Variants in SKOR1 observed in about 807,000 individuals in gnomAD.
The protein encoded by SKOR1 is SKI family transcriptional corepressor 1, also known as LBX1 corepressor 1.
SKOR1 carries 38 observed loss-of-function variants against 72.4 expected under a neutral mutation model. The observed-to-expected ratio is 0.52, with a 90% CI of 0.40 to 0.69. SKOR1 has a LOEUF of 0.69. Among genes scored for constraint, SKOR1 ranks in the 30% least tolerant of loss-of-function variants. The probability of loss-of-function intolerance (pLI) is 0.00; values close to 1 mark genes in which losing one functional copy is unlikely to be tolerated. For synonymous variants in SKOR1, 642 were observed against 599.4 expected, an observed-to-expected ratio of 1.07 and a Z score of -1.04; for missense variants, 1,320 against 1,343.2, an observed-to-expected ratio of 0.98 and a Z score of 0.27.
Position 67,826,811 on chromosome 15 carries a change from G to A in SKOR1, c.983G>A (p.Cys328Tyr), listed in dbSNP as rs1311640384. The A allele has an allele frequency of 6.5e-7, 1 of 1,529,950 alleles. No individual in the cohort carries two copies. 94.8% of individuals were successfully genotyped at this position (1,529,950 alleles called of 1,614,324 possible). ...CCGCCGCCCCACAAAAGCCTGCGCT[G>A]TGGCGAAGATGAGGCTGCCGGGCCT... is the stretch of plus-strand genomic sequence containing the variant. ...PGPPPHKSLR[C>Y]GEDEAAGPPG... is the part of the protein sequence containing the mutation. The change falls in exon 2 of 9, where the codon TGT becomes TAT. Residue 328 changes from cysteine (C) to tyrosine (Y), a missense_variant. By Grantham distance (194) the Cys-to-Tyr change is radical. Around this residue, in one of 3 missense-constraint regions of SKOR1, gnomAD observed 1,099 missense variants for 1,025.5 expected, o/e 1.07. Transcript: ENST00000380035.
intron 5 of SKOR1, 62 bp downstream of exon 5, chr15:67,830,951 G>T: frequency 6.6e-7 from 1 of 1,520,674 alleles, no homozygotes; most frequent in Non-Finnish European, 9.1e-7. Context: ...CATTCCTGTA[G>T]AGGGGTGTTA....
At chr15:67,831,095 A>G (rs1001078886) in intron 5 of SKOR1, among the ~76,000 whole-genome samples, 2 of 152,198 alleles carry the variant, frequency 1.3e-5, no homozygotes, top group South Asian at 4.1e-4. Context: ...TGGGTAGAGC[A>G]TGGGAGTAAA....
In SKOR1 at chr15:67,832,405, C is replaced by A; in HGVS notation, c.2662+57C>A. ...CATCACCGAGCCTTCCACCAGGGTG[C>A]CCCGACCTACTCCGAAAGCCGGGTG... On this transcript the variant is annotated intron_variant, in intron 6 of 8. Transcript: ENST00000380035. The surrounding 1 kb of genome is among the most constrained non-coding windows in gnomAD (Gnocchi z 4.5). 1.3e-6 allele frequency: 2 copies of A among 1,582,068 alleles called. No homozygotes were observed. Among genetic ancestry groups the A allele is most frequent in the South Asian group, 1.1e-5 (1 of 90,118 alleles).
rs1339999274 is a variant in SKOR1, at chr15:67,833,452, G to C, written c.2803+195G>C. Among the ~76,000 whole-genome samples the C allele has an allele frequency of 6.6e-6, 1 of 152,190 alleles. No homozygotes were observed. Among genetic ancestry groups the C allele is most frequent in the Non-Finnish European group, 1.5e-5 (1 of 68,036 alleles). On this transcript the variant is annotated intron_variant, in intron 8 of 8. Coordinates refer to ENST00000380035, the MANE Select transcript of SKOR1 (RefSeq NM_001365915.1). This position sits in a 1 kb window ranked among gnomAD's most constrained non-coding sequence, Gnocchi z 6.0. ...GGGGGTAAAAAGAAAGAGCCCCTTG[G>C]GCTTTGGACGTCAGAAAAATCTGCC...
In SKOR1 at chr15:67,827,793, C is replaced by G. The variant is rs1039482021; in HGVS notation, c.1965C>G (p.Thr655=). 6.4e-7 allele frequency: 1 copy of G among 1,570,998 alleles called. No individual in the cohort carries two copies. Among genetic ancestry groups the G allele is most frequent in the African/African-American group, 1.3e-5 (1 of 74,276 alleles). Residue 655 remains threonine, a synonymous_variant, in exon 2 of 9, where the codon ACC becomes ACG. Coordinates refer to ENST00000380035, the MANE Select transcript of SKOR1 (RefSeq NM_001365915.1). The stretch of plus-strand genomic sequence containing the variant: ...ATTCCGCCTCGCCCGACGTGGACAC[C>G]GCGGACGAGCCCGAGGTGGACGTGG... The part of the protein sequence containing the change: ...SYNSASPDVD[T]ADEPEVDVES...
chr15:67,826,401 G>C lies in SKOR1; in HGVS notation c.573G>C (p.Ser191=). The change falls in exon 2 of 9, where the codon TCG becomes TCC. Residue 191 remains serine, a synonymous_variant. Coordinates refer to ENST00000380035, the MANE Select transcript of SKOR1 (RefSeq NM_001365915.1). The part of the protein sequence containing the change: ...FDVVHECAWG[S]RGSFIPARYN... Reference sequence around the variant, plus strand: ...TGGTGCACGAGTGCGCGTGGGGCTCGCGTGGTAGCTTCATCCCTGCGCGTT... The same window carrying C: ...TGGTGCACGAGTGCGCGTGGGGCTCCCGTGGTAGCTTCATCCCTGCGCGTT... 2 of 1,613,944 alleles carry C rather than the reference G, an allele frequency of 1.2e-6. No individual in the cohort carries two copies. Among genetic ancestry groups the C allele is most frequent in the Non-Finnish European group, 1.7e-6 (2 of 1,180,008 alleles).
rs535615860 is a variant in SKOR1 at position 67,832,453 on chromosome 15, C to G, written c.2662+105C>G. 3.3e-5 allele frequency: 45 copies of G among 1,372,106 alleles called. No homozygotes were observed. The African/African-American group carries it at 5.4e-4, about 16-fold the overall frequency. 85.0% of individuals were successfully genotyped at this position (1,372,106 alleles called of 1,614,324 possible). ...GTGCCAGGCAACTGGTACTAGGTGCCCTGCAGGAGACAAGAAACTGTCCTT... is the reference window on the plus strand; with the variant it reads ...GTGCCAGGCAACTGGTACTAGGTGCGCTGCAGGAGACAAGAAACTGTCCTT... On this transcript the variant is annotated intron_variant, in intron 6 of 8. Transcript: ENST00000380035. This position sits in a 1 kb window ranked among gnomAD's most constrained non-coding sequence, Gnocchi z 4.5.
In SKOR1 at chr15:67,826,965, C is replaced by A. The variant is rs2090964388; in HGVS notation, c.1137C>A (p.Ser379Arg). Residue 379 changes from serine (S) to arginine (R), a missense_variant, in exon 2 of 9, where the codon AGC becomes AGA. Around this residue, in one of 3 missense-constraint regions of SKOR1, gnomAD observed 1,099 missense variants for 1,025.5 expected, o/e 1.07. Transcript: ENST00000380035. ...VRSYPVIPVP[S>R]KGFGLLQKLP... ...GCTACCCGGTGATCCCGGTGCCCAG[C>A]AAAGGCTTTGGGCTCCTGCAAAAGC... 6.3e-7 allele frequency: 1 copy of A among 1,595,886 alleles called. No individual in the cohort carries two copies. The highest frequency in any genetic ancestry group is 1.1e-5 in the South Asian group (1 of 90,574).
intron 2 of SKOR1, 98 bp downstream of exon 2, chr15:67,828,242 C>G: frequency 7.4e-7 from 1 of 1,357,204 alleles, no homozygotes; most frequent in East Asian, 3.1e-5. Context: ...TTGTTCCGCG[C>G]AGGCGTGGGA....
chr15:67,830,964 C>T (rs2091004243), intron 5 of SKOR1, 75 bp downstream of exon 5: 1 of 1,451,356 alleles, frequency 6.9e-7, no homozygotes, highest in Non-Finnish European at 9.7e-7. Context: ...GGGTGTTATC[C>T]CTGTAGGGGG....
chr15:67,834,000 C>T lies in SKOR1; in HGVS notation c.*164C>T, dbSNP rs2091028940. On this transcript the variant is annotated 3_prime_UTR_variant, in exon 9 of 9. Coordinates refer to ENST00000380035, the MANE Select transcript of SKOR1 (RefSeq NM_001365915.1). This position sits in a 1 kb window ranked among gnomAD's most constrained non-coding sequence, Gnocchi z 6.0. ...CCCGGGCTCCCCGGCCTTGCCCGCC[C>T]CCTCCCGGGCGTCCCTGTCCAGGGC... 9.3e-6 allele frequency: 7 copies of T among 750,204 alleles called. No individual in the cohort carries two copies. Among genetic ancestry groups the T allele is most frequent in the South Asian group, 3.2e-5 (2 of 63,260 alleles). 46.5% of individuals were successfully genotyped at this position (750,204 alleles called of 1,614,324 possible).
Position 67,826,245 on chromosome 15 carries a change from T to G in SKOR1, c.417T>G (p.Arg139=). The change falls in exon 2 of 9, where the codon CGT becomes CGG. Residue 139 remains arginine, a synonymous_variant. Transcript: ENST00000380035. Reference sequence around the variant, plus strand: ...CGCCGGTACAGCTGGAGATTCTGCGTCGGGCCGGGGCCATGCCCATCTCGT... The same window carrying G: ...CGCCGGTACAGCTGGAGATTCTGCGGCGGGCCGGGGCCATGCCCATCTCGT... ...QCTPVQLEIL[R]RAGAMPISSR... 6.2e-7 allele frequency: 1 copy of G among 1,613,120 alleles called. No individual in the cohort carries two copies. Among genetic ancestry groups the G allele is most frequent in the Non-Finnish European group, 8.5e-7 (1 of 1,180,030 alleles).
rs142994786 is a variant in SKOR1 at position 67,826,497 on chromosome 15, C to T, written c.669C>T (p.Ile223=). 115 of 1,614,024 alleles carry T rather than the reference C, an allele frequency of 7.1e-5. No individual in the cohort carries two copies. The African/African-American group carries it at 1.3e-3, about 18-fold the overall frequency. Residue 223 remains isoleucine (I), a synonymous_variant, in exon 2 of 9, where the codon ATC becomes ATT. Transcript: ENST00000380035. ...CSMYFSPNKF[I]FHSHRTPDAK... is the part of the protein sequence containing the mutation. The stretch of plus-strand genomic sequence containing the variant: ...TGTACTTCTCGCCCAACAAGTTCAT[C>T]TTCCACTCGCACCGAACACCCGACG...
At position 67,834,223 on chromosome 15, in the gene SKOR1, C is replaced by A; in HGVS notation, c.*387C>A. On this transcript the variant is annotated 3_prime_UTR_variant, in exon 9 of 9. Coordinates refer to ENST00000380035, the MANE Select transcript of SKOR1 (RefSeq NM_001365915.1). The surrounding 1 kb of genome is among the most constrained non-coding windows in gnomAD (Gnocchi z 5.8). ...CTTCGCTGGCGCCTGCCCCGCACTC[C>A]CCGTCCCGTCCACTTCTGAAACTCC... 3.3e-6 allele frequency: 1 copy of A among 305,472 alleles called. No individual in the cohort carries two copies. Among genetic ancestry groups the A allele is most frequent in the South Asian group, 3.6e-5 (1 of 27,650 alleles). The allele number at this position is 305,472 out of a possible 1,614,324, so 18.9% of individuals were successfully genotyped here.
At position 67,827,365 on chromosome 15, in the gene SKOR1, G is replaced by A. The variant is rs758335136; in HGVS notation, c.1537G>A (p.Val513Met). Residue 513 changes from valine (V) to methionine (M), a missense_variant, in exon 2 of 9, where the codon GTG (valine) becomes ATG (methionine). Val to Met is a conservative substitution (Grantham distance 21, BLOSUM62 1). This residue lies in a region of SKOR1 where 1,099 missense variants were observed against 1,025.5 expected (regional missense o/e 1.07). Coordinates refer to ENST00000380035, the MANE Select transcript of SKOR1 (RefSeq NM_001365915.1). The stretch of plus-strand genomic sequence containing the variant: ...CGCTGCTCAGAGCCAAGCCAAGGCC[G>A]TGGCGGCAGCCGTGGCGGCGGCAGC... ...YPAAQSQAKA[V>M]AAAVAAAAAA... The A allele has an allele frequency of 1.1e-5, 18 of 1,571,832 alleles. No individual in the cohort carries two copies. The South Asian group carries it at 1.7e-4, about 15-fold the overall frequency.
intron 3 of SKOR1, among the ~76,000 whole-genome samples, chr15:67,829,590 G>T (rs1359427851): frequency 6.6e-6 from 1 of 152,238 alleles, no homozygotes; most frequent in Non-Finnish European, 1.5e-5. Flanking sequence ...AAGTGTGTTT[G>T]GCCGCGGGGT....
In SKOR1 at chr15:67,826,935, A is replaced by G. The variant is rs2090964085; in HGVS notation, c.1107A>G (p.Val369=). Residue 369 remains valine, a synonymous_variant, in exon 2 of 9, where the codon GTA becomes GTG. Coordinates refer to ENST00000380035, the MANE Select transcript of SKOR1 (RefSeq NM_001365915.1). The part of the protein sequence containing the change: ...GPGGPGGGAG[V]RSYPVIPVPS... ...GAGGGCCCGGTGGCGGCGCCGGCGT[A>G]CGAAGCTACCCGGTGATCCCGGTGC... The G allele has an allele frequency of 6.3e-7, 1 of 1,582,330 alleles. No homozygotes were observed. The highest frequency in any genetic ancestry group is 8.5e-7 in the Non-Finnish European group (1 of 1,172,844).
In SKOR1 at chr15:67,826,120, C is replaced by T. The variant is rs1435833757; in HGVS notation, c.292C>T (p.Leu98=). 6 of 1,602,774 alleles carry T rather than the reference C, an allele frequency of 3.7e-6. No individual in the cohort carries two copies. Among genetic ancestry groups the T allele is most frequent in the Non-Finnish European group, 8.5e-7 (1 of 1,172,112 alleles). ...GCTGGTCATCGACGGCCAGGAGCGCCTATGCCTGGCGCAGATCTCCAACAC... is the reference window on the plus strand; with the variant it reads ...GCTGGTCATCGACGGCCAGGAGCGCTTATGCCTGGCGCAGATCTCCAACAC... ...VSLVIDGQER[L]CLAQISNTLL... is the part of the protein sequence containing the mutation. The change falls in exon 2 of 9, where the codon CTA becomes TTA. Residue 98 remains leucine, a synonymous_variant. Coordinates refer to ENST00000380035, the MANE Select transcript of SKOR1 (RefSeq NM_001365915.1).
In SKOR1 at chr15:67,833,691, G is replaced by A. The variant is rs750553439; in HGVS notation, c.2804-51G>A. ...GAGGGGAAAGGGTGGACTGCGCGGT[G>A]AGGTGAGCCTGGAGAGGCGCCCAGA... On this transcript the variant is annotated intron_variant, in intron 8 of 8. Transcript: ENST00000380035. This position sits in a 1 kb window ranked among gnomAD's most constrained non-coding sequence, Gnocchi z 6.0. The A allele has an allele frequency of 6.4e-7, 1 of 1,573,060 alleles. No homozygotes were observed. Among genetic ancestry groups the A allele is most frequent in the Non-Finnish European group, 8.7e-7 (1 of 1,144,156 alleles).
Sources: gnomAD v4.1 joint callset for allele counts (sites outside exome capture counted in the v4.1 genomes callset) on GRCh38, gnomAD v4.1.1 for gene constraint, gnomAD v4.1.1 regional missense constraint, Gnocchi (gnomAD v3.1) non-coding constraint, MANE v1.5 for transcripts, NCBI Gene and HGNC (gene_info 2026-07-23, HGNC 2026-07-21) for gene names.